SULF1: variants seen among roughly 807,000 people sequenced by gnomAD.
SULF1 encodes the protein extracellular sulfatase Sulf-1.
SULF1 carries 46 observed loss-of-function variants against 110.5 expected under a neutral mutation model. The observed-to-expected ratio is 0.42, with a 90% confidence interval of 0.33 to 0.53. The LOEUF (loss-of-function observed/expected upper bound fraction) is 0.53. Ranked by LOEUF, SULF1 falls within the 20% of genes least tolerant of loss-of-function variation. SULF1 has a pLI of 0.12. For missense variants in SULF1, 941 were observed against 1,094.2 expected (o/e 0.86, Z 1.98); for synonymous variants, 371 against 387.1 (o/e 0.96, Z 0.49).
At chr8:69,622,304 C>A (rs780731510) in intron 14 of SULF1, among the ~76,000 whole-genome samples, 1 of 152,072 alleles carries the variant, frequency 6.6e-6, no homozygotes, top group South Asian at 2.1e-4. Flanking sequence ...TAAGGCCAGG[C>A]GCGGTGACTC....
intron 1 of SULF1, among the ~76,000 whole-genome samples, chr8:69,486,649 G>A (rs990000403): frequency 7.9e-5 from 12 of 152,276 alleles, no homozygotes; most frequent in East Asian, 5.8e-4. Flanking sequence ...GTGCAACACC[G>A]TGCCTATTAA....
intron 3 of SULF1, among the ~76,000 whole-genome samples, chr8:69,510,954 ACAC>A (rs1811519510): frequency 6.8e-6 from 1 of 147,604 alleles, no homozygotes; most frequent in African/African-American, 2.5e-5. Flanking sequence ...TTACACACAC[ACAC>A]ACACACACAC....
At chr8:69,527,102 G>A (rs751807279) in intron 3 of SULF1, among the ~76,000 whole-genome samples, 72 of 152,152 alleles carry the variant, frequency 4.7e-4, no homozygotes, top group Non-Finnish European at 8.2e-4. Flanking sequence ...ACTCCCTTCC[G>A]GTTTGCTGAT....
intron 5 of SULF1, among the ~76,000 whole-genome samples, chr8:69,568,703 G>C (rs1286384289): frequency 1.3e-5 from 2 of 152,100 alleles, no homozygotes; most frequent in African/African-American, 2.4e-5. Flanking sequence ...ATACCCGTAA[G>C]TACTTCAGAG....
intron 3 of SULF1, among the ~76,000 whole-genome samples, chr8:69,538,273 G>A (rs202049314): frequency 1.7e-5 from 1 of 58,144 alleles, no homozygotes; most frequent in African/African-American, 7.8e-5. Context: ...CATTTCTGTT[G>A]CCTTTTTTTT....
chr8:69,480,039 GA>G (rs1809452911), intron 1 of SULF1, among the ~76,000 whole-genome samples: 1 of 152,044 alleles, frequency 6.6e-6, no homozygotes, highest in African/African-American at 2.4e-5. Context: ...ACTCCTTATG[GA>G]AAATCTGTTC....
chr8:69,629,719 C>A, intron 19 of SULF1, 40 bp downstream of exon 19: 1 of 1,523,336 alleles, frequency 6.6e-7, no homozygotes, highest in Non-Finnish European at 8.9e-7. Flanking sequence ...TGCCGCCATG[C>A]AGAGACAGCG....
At chr8:69,572,918 C>A (rs892025659) in intron 5 of SULF1, among the ~76,000 whole-genome samples, 2 of 152,202 alleles carry the variant, frequency 1.3e-5, no homozygotes, top group Admixed American at 6.5e-5. Context: ...ACCTCTGCCT[C>A]CTGGGTTCAA....
chr8:69,603,195 C>T lies in SULF1; in HGVS notation c.1065C>T (p.Val355=), dbSNP rs1807970372. The T allele has an allele frequency of 1.6e-5, 26 of 1,614,002 alleles. No homozygotes were observed. Among genetic ancestry groups the T allele is most frequent in the Non-Finnish European group, 2.1e-5 (25 of 1,180,012 alleles). Residue 355 remains valine, a synonymous_variant, in exon 11 of 23, where the codon GTC becomes GTT. Transcript: ENST00000402687. ...ATCACCGTGTGCCCCTTTACAGAGTCCCACAGATCGTTCTCAACATTGACT... is the reference window on the plus strand; with the variant it reads ...ATCACCGTGTGCCCCTTTACAGAGTTCCACAGATCGTTCTCAACATTGACT... ...RGPSVEPGSI[V]PQIVLNIDLA...
chr8:69,516,793 G>A (rs1811953015), intron 3 of SULF1, among the ~76,000 whole-genome samples: 1 of 151,882 alleles, frequency 6.6e-6, no homozygotes, highest in Non-Finnish European at 1.5e-5. Context: ...AACTACCAGA[G>A]GTTCTATATT....
At chr8:69,600,038 T>A (rs1343102322) in intron 8 of SULF1, among the ~76,000 whole-genome samples, 2 of 152,204 alleles carry the variant, frequency 1.3e-5, no homozygotes, top group Admixed American at 1.3e-4. Flanking sequence ...GACTTGGTTA[T>A]CATTCCCACA....
intron 8 of SULF1, among the ~76,000 whole-genome samples, chr8:69,594,549 A>G (rs1277931397): frequency 6.6e-6 from 1 of 152,170 alleles, no homozygotes; most frequent in Non-Finnish European, 1.5e-5. Flanking sequence ...TGTCAAAGGA[A>G]AAACTCCCTC....
rs191900072 is a variant in SULF1 at position 69,603,677 on chromosome 8, T to C, written c.1247+21T>C. The C allele has an allele frequency of 2.3e-5, 36 of 1,587,080 alleles. No homozygotes were observed. In the African/African-American group the frequency reaches 3.6e-4, roughly 16 times the overall value. On this transcript the variant is annotated intron_variant, in intron 12 of 22. Transcript: ENST00000402687. ...AGAGGGTAATTATTGGTTCCTGGGG[T>C]GCTTCTGGGAACCAGTCCTAGTGGG...
chr8:69,647,448 A>C (rs1439192289), intron 22 of SULF1, among the ~76,000 whole-genome samples: 1 of 152,202 alleles, frequency 6.6e-6, no homozygotes, highest in Non-Finnish European at 1.5e-5. Context: ...TTTAGGGTTG[A>C]ACATTAATTG....
chr8:69,604,499 T>C (rs1357441813), intron 12 of SULF1, among the ~76,000 whole-genome samples: 1 of 152,250 alleles, frequency 6.6e-6, no homozygotes, highest in African/African-American at 2.4e-5. Context: ...AATATTTGTA[T>C]AATTTTTTTA....
In SULF1 at chr8:69,549,011, C is replaced by A. The variant is rs1040412899; in HGVS notation, c.-133-14528C>A. ...CAGGAGAGCGGAACTTATACCCACC[C>A]CACCCTGGGCTCGACCCTATGGCTT... On this transcript the variant is annotated intron_variant, in intron 3 of 22. Coordinates refer to ENST00000402687, the MANE Select transcript of SULF1 (RefSeq NM_001128205.2). 3.9e-5 allele frequency among the ~76,000 whole-genome samples: 6 copies of A among 152,192 alleles called. 1 individual carries two copies. Among genetic ancestry groups the A allele is most frequent in the Admixed American group, 2.6e-4 (4 of 15,284 alleles).
intron 1 of SULF1, among the ~76,000 whole-genome samples, chr8:69,472,792 G>A (rs948049527): frequency 6.6e-6 from 1 of 152,064 alleles, no homozygotes; most frequent in Admixed American, 6.6e-5. Context: ...TAAATATGTG[G>A]TCCATGTACT....
At chr8:69,651,647 A>G (rs774588493) in intron 22 of SULF1, among the ~76,000 whole-genome samples, 4 of 152,134 alleles carry the variant, frequency 2.6e-5, no homozygotes, top group Non-Finnish European at 4.4e-5. Flanking sequence ...GATCTATTAA[A>G]TTATTATTGT....
In SULF1 at chr8:69,629,401, A is replaced by T. The variant is rs989974837; in HGVS notation, c.2109-103A>T. 14 of 1,226,910 alleles carry T rather than the reference A, an allele frequency of 1.1e-5. No individual in the cohort carries two copies. The African/African-American group carries it at 1.8e-4, about 16-fold the overall frequency. 76.0% of individuals were successfully genotyped at this position (1,226,910 alleles called of 1,614,324 possible). A position where few individuals can be genotyped will look rare whatever the true frequency, so the allele number is the denominator to read the frequency against. On this transcript the variant is annotated intron_variant, in intron 18 of 22. Transcript: ENST00000402687. The stretch of plus-strand genomic sequence containing the variant: ...AAATGAAGGTCGTCCATTATCTCTT[A>T]TCAAGGCATCTAAATATTTGTGCAA...
Sources: allele counts gnomAD v4.1 joint callset (sites outside exome capture counted in the v4.1 genomes callset), GRCh38; gene constraint gnomAD v4.1.1; transcripts MANE v1.5; gene names NCBI Gene and HGNC (gene_info 2026-07-23, HGNC 2026-07-21).